PARP14: variants seen among roughly 807,000 people sequenced by gnomAD.
PARP14 encodes protein mono-ADP-ribosyltransferase PARP14.
PARP14 carries 59 observed loss-of-function variants against 154.2 expected under a neutral mutation model. The observed-to-expected ratio is 0.38, with a 90% CI of 0.31 to 0.48. PARP14 has a LOEUF of 0.48. Among genes scored for constraint, PARP14 ranks in the 20% least tolerant of loss-of-function variants. The pLI, the probability that PARP14 is intolerant of heterozygous loss-of-function variation, is 0.98. For synonymous variants in PARP14, 720 were observed against 780.5 expected, an observed-to-expected ratio of 0.92 and a Z score of 1.29; for missense variants, 1,734 against 2,131.6, an observed-to-expected ratio of 0.81 and a Z score of 3.67.
At chr3:122,715,216 A>G (rs1474185249) in intron 12 of PARP14, among the ~76,000 whole-genome samples, 4 of 152,104 alleles carry the variant, frequency 2.6e-5, no homozygotes, top group Non-Finnish European at 5.9e-5. Flanking sequence ...AGAGCTGGTC[A>G]GGGGAGGCAT....
chr3:122,718,133 G>A lies in PARP14; in HGVS notation c.4063G>A (p.Val1355Ile). ...CATAATTGATGCCATTGAAGACTTT[G>A]TCCAGAAAGGATCAGCCCAGTCTGT... ...EAIIDAIEDF[V>I]QKGSAQSVKK... The change falls in exon 13 of 17, where the codon GTC (valine) becomes ATC (isoleucine). Residue 1355 changes from valine (V) to isoleucine (I), a missense_variant. Val to Ile is a conservative substitution (Grantham distance 29). This residue lies in a region of PARP14 where 1,646 missense variants were observed against 1,976.0 expected (regional missense o/e 0.83). Coordinates refer to ENST00000474629, the MANE Select transcript of PARP14 (RefSeq NM_017554.3). 1.2e-6 allele frequency: 2 copies of A among 1,613,828 alleles called. No homozygotes were observed. Among genetic ancestry groups the A allele is most frequent in the Non-Finnish European group, 1.7e-6 (2 of 1,179,818 alleles).
chr3:122,688,324 G>A (rs1427765863), intron 3 of PARP14, among the ~76,000 whole-genome samples: 1 of 152,116 alleles, frequency 6.6e-6, no homozygotes, highest in Non-Finnish European at 1.5e-5. Flanking sequence ...TGTTTCTTAT[G>A]ACTTCATAGA....
At chr3:122,685,534 G>A (rs531422916) in intron 2 of PARP14, among the ~76,000 whole-genome samples, 33 of 149,840 alleles carry the variant, frequency 2.2e-4, no homozygotes, top group Non-Finnish European at 3.6e-4. Flanking sequence ...TTTTGAGACG[G>A]AGTCTCGCTC....
At position 122,687,243 on chromosome 3, in the gene PARP14, T is replaced by C. The variant is rs372639314; in HGVS notation, c.355+130T>C. The C allele has an allele frequency of 8.0e-5, 53 of 659,508 alleles. No individual in the cohort carries two copies. The African/African-American group carries it at 9.1e-4, about 11-fold the overall frequency. The allele number at this position is 659,508 out of a possible 1,614,324, so 40.9% of individuals were successfully genotyped here. On this transcript the variant is annotated intron_variant, in intron 3 of 16. Transcript: ENST00000474629. The stretch of plus-strand genomic sequence containing the variant: ...AGGATGTGCTCCGCTGGGAGCTGCC[T>C]TGGACTGCATCATCTTCATATTCTG...
rs1257127874 is a variant in PARP14 at position 122,681,888 on chromosome 3, G to A, written c.187+818G>A. Among the ~76,000 whole-genome samples, 1 of 152,148 alleles carries A rather than the reference G, an allele frequency of 6.6e-6. No individual in the cohort carries two copies. Among genetic ancestry groups the A allele is most frequent in the African/African-American group, 2.4e-5 (1 of 41,420 alleles). ...CAGTGACCTGCAGCTCCCAGAATGG[G>A]CACCTTTTCCACTGGCATCTTATGG... On this transcript the variant is annotated intron_variant, in intron 1 of 16. Coordinates refer to ENST00000474629, the MANE Select transcript of PARP14 (RefSeq NM_017554.3). This position sits in a 1 kb window ranked among gnomAD's most constrained non-coding sequence, Gnocchi z 5.5.
In PARP14 at chr3:122,727,964, C is replaced by A; in HGVS notation, c.5094C>A (p.Asn1698Lys). 6.2e-7 allele frequency: 1 copy of A among 1,612,014 alleles called. No individual in the cohort carries two copies. Among genetic ancestry groups the A allele is most frequent in the Non-Finnish European group, 8.5e-7 (1 of 1,179,172 alleles). The change falls in exon 16 of 17, where the codon AAC (asparagine) becomes AAA (lysine). Residue 1698 changes from asparagine (N) to lysine (K), a missense_variant. By Grantham distance (94) the Asn-to-Lys change is moderately conservative. Transcript: ENST00000474629. ...SVPHVNRNGF[N>K]RSYAGKNAVA... ...CACACGTCAATCGAAATGGCTTTAACCGCAGCTATGCCGGAAAGAATGGTA... is the reference window on the plus strand; with the variant it reads ...CACACGTCAATCGAAATGGCTTTAAACGCAGCTATGCCGGAAAGAATGGTA...
At chr3:122,716,185 AT>A (rs1932990640) in intron 12 of PARP14, among the ~76,000 whole-genome samples, 1 of 152,228 alleles carries the variant, frequency 6.6e-6, no homozygotes, top group African/African-American at 2.4e-5. Flanking sequence ...AGACACCTGC[AT>A]AAGAGGAGAG....
At position 122,729,080 on chromosome 3, in the gene PARP14, T is replaced by C. The variant is rs1269312099; in HGVS notation, c.*483T>C. 1 of 157,254 alleles carries C rather than the reference T, an allele frequency of 6.4e-6. No homozygotes were observed. The highest frequency in any genetic ancestry group is 1.4e-5 in the Non-Finnish European group (1 of 71,100). 9.7% of individuals were successfully genotyped at this position (157,254 alleles called of 1,614,324 possible). On this transcript the variant is annotated 3_prime_UTR_variant, in exon 17 of 17. Coordinates refer to ENST00000474629, the MANE Select transcript of PARP14 (RefSeq NM_017554.3). ...TTTCCCTTGAGATGAGGTCTGTGCC[T>C]GATGTACAACGGATACTCCATAAAT...
At position 122,701,113 on chromosome 3, in the gene PARP14, G is replaced by A; in HGVS notation, c.2559G>A (p.Val853=). 6.2e-7 allele frequency: 1 copy of A among 1,613,992 alleles called. No individual in the cohort carries two copies. Among genetic ancestry groups the A allele is most frequent in the African/African-American group, 1.3e-5 (1 of 75,048 alleles). ...TCCAGGCCGACTGTGACCAGATAGTGAAGAGAGAGGGCAGACTCCTACCGG... is the reference window on the plus strand; with the variant it reads ...TCCAGGCCGACTGTGACCAGATAGTAAAGAGAGAGGGCAGACTCCTACCGG... ...PELQADCDQI[V]KREGRLLPGN... is the part of the protein sequence containing the mutation. Residue 853 remains valine (V), a synonymous_variant, in exon 6 of 17, where the codon GTG becomes GTA. Coordinates refer to ENST00000474629, the MANE Select transcript of PARP14 (RefSeq NM_017554.3). The surrounding 1 kb of genome is among the most constrained non-coding windows in gnomAD (Gnocchi z 4.0).
chr3:122,694,969 T>C (rs1241833322), intron 4 of PARP14, among the ~76,000 whole-genome samples: 26 of 152,166 alleles, frequency 1.7e-4, no homozygotes, highest in Admixed American at 1.7e-3. Context: ...AATGACTAGT[T>C]TTTGTGGCAA....
intron 6 of PARP14, among the ~76,000 whole-genome samples, chr3:122,702,292 C>T (rs997920909): frequency 2.0e-5 from 3 of 152,212 alleles, no homozygotes; most frequent in Non-Finnish European, 4.4e-5. Flanking sequence ...TCTCGGCTCA[C>T]TGCAACCTCC....
In PARP14 at chr3:122,681,130, G is replaced by A; in HGVS notation, c.187+60G>A. 1 of 1,373,968 alleles carries A rather than the reference G, an allele frequency of 7.3e-7. No homozygotes were observed. The highest frequency in any genetic ancestry group is 1.0e-6 in the Non-Finnish European group (1 of 981,714). The allele number at this position is 1,373,968 out of a possible 1,614,324, so 85.1% of individuals were successfully genotyped here. On this transcript the variant is annotated intron_variant, in intron 1 of 16. Transcript: ENST00000474629. The surrounding 1 kb of genome is among the most constrained non-coding windows in gnomAD (Gnocchi z 5.5). ...ACCTCTGCCCTCCCTCCAGGGAAAT[G>A]GCGGCAGGGCACGCACGGGAGGGTG...
chr3:122,728,478 C>G lies in PARP14; in HGVS notation c.5287C>G (p.Pro1763Ala). The change falls in exon 17 of 17, where the codon CCT becomes GCT. Residue 1763 changes from proline to alanine, a missense_variant. Physicochemically the swap from Pro to Ala is conservative, Grantham distance 27. Transcript: ENST00000474629. ...ATTAATTGTGCCTCCTTCAAAGAAC[C>G]CTCAAAATCCTACTGACCTGTATGA... ...HSLIVPPSKN[P>A]QNPTDLYDTV... 6.2e-7 allele frequency: 1 copy of G among 1,613,818 alleles called. No individual in the cohort carries two copies. The highest frequency in any genetic ancestry group is 1.7e-5 in the Admixed American group (1 of 60,024).
intron 10 of PARP14, 34 bp downstream of exon 10, chr3:122,713,607 A>G (rs371965217): frequency 6.9e-6 from 11 of 1,586,638 alleles, no homozygotes; most frequent in Non-Finnish European, 8.6e-6. Context: ...GCAATAGTTA[A>G]TGGTAGATGC....
intron 15 of PARP14, chr3:122,721,869 T>C (rs1361288592): frequency 6.6e-6 from 1 of 152,174 alleles, no homozygotes; most frequent in East Asian, 1.9e-4. Context: ...CCTACAAAGA[T>C]ATAAACTATA....
At position 122,680,929 on chromosome 3, in the gene PARP14, G is replaced by A; in HGVS notation, c.46G>A (p.Gly16Ser). The A allele has an allele frequency of 6.2e-7, 1 of 1,612,682 alleles. No homozygotes were observed. The highest frequency in any genetic ancestry group is 1.3e-5 in the African/African-American group (1 of 74,950). ...CCCGCTGCTGGTCGAGGGCTCCTGGGGCCCCGACCCCCCGAAGAACTTGAA... is the reference window on the plus strand; with the variant it reads ...CCCGCTGCTGGTCGAGGGCTCCTGGAGCCCCGACCCCCCGAAGAACTTGAA... ...SFPLLVEGSW[G>S]PDPPKNLNTK... The change falls in exon 1 of 17, where the codon GGC becomes AGC. Residue 16 changes from glycine to serine, a missense_variant. Gly to Ser is a moderately conservative substitution (Grantham distance 56, BLOSUM62 0). Coordinates refer to ENST00000474629, the MANE Select transcript of PARP14 (RefSeq NM_017554.3).
chr3:122,725,099 T>C (rs56400345), intron 15 of PARP14, among the ~76,000 whole-genome samples: 22,359 of 152,154 alleles, frequency 0.15, 1,660 homozygotes, highest in Admixed American at 0.17. Flanking sequence ...CCACATTTCC[T>C]CCTTTTCTTT....
At chr3:122,716,030 C>T (rs1054581974) in intron 12 of PARP14, among the ~76,000 whole-genome samples, 3 of 152,196 alleles carry the variant, frequency 2.0e-5, no homozygotes, top group African/African-American at 7.2e-5. Context: ...TGCATGTCCT[C>T]TTTACCTATC....
At chr3:122,715,618 C>T (rs947859660) in intron 12 of PARP14, among the ~76,000 whole-genome samples, 1 of 129,750 alleles carries the variant, frequency 7.7e-6, no homozygotes, top group Non-Finnish European at 1.9e-5. Flanking sequence ...ATCTATCTAT[C>T]TATCTATCTA....
Sources: gnomAD v4.1 joint callset for allele counts (sites outside exome capture counted in the v4.1 genomes callset) on GRCh38, gnomAD v4.1.1 for gene constraint, gnomAD v4.1.1 regional missense constraint, Gnocchi (gnomAD v3.1) non-coding constraint, MANE v1.5 for transcripts, NCBI Gene and HGNC (gene_info 2026-07-23, HGNC 2026-07-21) for gene names.